Variants in MRPL47 observed in about 807,000 individuals in gnomAD.
The protein encoded by MRPL47 is mitochondrial ribosomal protein L47.
MRPL47 carries 31 observed loss-of-function variants against 34.0 expected under a neutral mutation model. That is an observed-to-expected ratio of 0.91 (90% confidence interval 0.68 to 1.23). The LOEUF (loss-of-function observed/expected upper bound fraction) is 1.23, where lower values mean the gene tolerates loss of function less well. Among genes scored for constraint, MRPL47 ranks in the 50% most tolerant of loss-of-function variants. The probability of loss-of-function intolerance (pLI) is 0.00; values close to 1 mark genes in which losing one functional copy is unlikely to be tolerated. For synonymous variants in MRPL47, 106 were observed against 101.6 expected (o/e 1.04, Z -0.26); for missense variants, 328 against 285.8 (o/e 1.15, Z -1.07).
chr3:179,594,866 T>TGAGAAAAAA (rs1718758798), intron 4 of MRPL47, among the ~76,000 whole-genome samples: 1 of 152,158 alleles, frequency 6.6e-6, no homozygotes, highest in African/African-American at 2.4e-5. Context: ...CCTAAATACA[T>TGAGAAAAAA]ACTGAGAGCC....
intron 6 of MRPL47, among the ~76,000 whole-genome samples, chr3:179,592,165 A>G (rs1438852146): frequency 6.7e-6 from 1 of 150,220 alleles, no homozygotes; most frequent in Non-Finnish European, 1.5e-5. Context: ...GAGCTTATAT[A>G]TGACTTCAAT....
intron 1 of MRPL47, 126 bp downstream of exon 1, chr3:179,604,401 G>T: frequency 1.2e-6 from 1 of 809,666 alleles, no homozygotes; most frequent in South Asian, 1.7e-5. Context: ...TCACCAAAGT[G>T]GGCTCCGGCT....
chr3:179,596,373 T>C lies in MRPL47; in HGVS notation c.402+2302A>G, dbSNP rs954177676. Among the ~76,000 whole-genome samples, 4 of 152,186 alleles carry C rather than the reference T, an allele frequency of 2.6e-5. No homozygotes were observed. The South Asian group carries it at 8.3e-4, about 31-fold the overall frequency. On this transcript the variant is annotated intron_variant, in intron 4 of 6. Transcript: ENST00000476781. ...TTGCTTAATAAAGTTTCCTTAGTAG[T>C]ATGTCACAAAACACTGGAAACACCA...
chr3:179,591,807 C>T (rs1013289626), intron 6 of MRPL47, among the ~76,000 whole-genome samples: 1 of 152,054 alleles, frequency 6.6e-6, no homozygotes, highest in Non-Finnish European at 1.5e-5. Context: ...AGGATACATA[C>T]TACAATGTTA....
chr3:179,602,379 A>C (rs893879705), intron 2 of MRPL47, among the ~76,000 whole-genome samples: 3 of 152,164 alleles, frequency 2.0e-5, no homozygotes, highest in Admixed American at 6.6e-5. Context: ...TATCATTAAA[A>C]AATAAAATCT....
At chr3:179,598,652 C>T in intron 4 of MRPL47, 23 bp downstream of exon 4, 1 of 1,452,322 alleles carries the variant, frequency 6.9e-7, no homozygotes. Flanking sequence ...GTATACCAGT[C>T]TCCAGCCTCT....
intron 1 of MRPL47, among the ~76,000 whole-genome samples, chr3:179,603,806 A>T (rs1276666755): frequency 1.3e-5 from 2 of 152,212 alleles, no homozygotes; most frequent in South Asian, 2.1e-4. Flanking sequence ...CCTGTTTTTA[A>T]AAAATAGTTA....
At chr3:179,599,629 G>A (rs1002485709) in intron 3 of MRPL47, among the ~76,000 whole-genome samples, 1 of 152,206 alleles carries the variant, frequency 6.6e-6, no homozygotes, top group African/African-American at 2.4e-5. Context: ...GTAATGTGAT[G>A]TGGGATAATA....
At chr3:179,592,477 A>G (rs1718698006) in intron 6 of MRPL47, among the ~76,000 whole-genome samples, 167 bp downstream of exon 6, 1 of 152,194 alleles carries the variant, frequency 6.6e-6, no homozygotes, top group Admixed American at 6.5e-5. Context: ...TACAGGTGTG[A>G]GCCACCGCAC....
intron 5 of MRPL47, 136 bp from the exon 6 acceptor site, chr3:179,592,875 T>A: frequency 1.6e-6 from 1 of 623,330 alleles, no homozygotes. Flanking sequence ...GTGAGATGCT[T>A]TGGCAATTTC....
At chr3:179,599,304 G>C (rs547474916) in intron 3 of MRPL47, among the ~76,000 whole-genome samples, 1 of 152,294 alleles carries the variant, frequency 6.6e-6, no homozygotes, top group African/African-American at 2.4e-5. Context: ...TAAGTGCTAA[G>C]AGAGCTACAA....
At position 179,588,824 on chromosome 3, in the gene MRPL47, C is replaced by T. The variant is rs187072560; in HGVS notation, c.*48G>A. The T allele has an allele frequency of 9.5e-6, 15 of 1,577,558 alleles. No homozygotes were observed. In the African/African-American group the frequency reaches 1.5e-4, roughly 16 times the overall value. On this transcript the variant is annotated 3_prime_UTR_variant, in exon 7 of 7. Coordinates refer to ENST00000476781, the MANE Select transcript of MRPL47 (RefSeq NM_020409.3). ...CACTTAACATATTTACTCCTGTACACAGACTATTCAAGAAAAACAAAATGG... is the reference window on the plus strand; with the variant it reads ...CACTTAACATATTTACTCCTGTACATAGACTATTCAAGAAAAACAAAATGG...
At chr3:179,603,704 T>C (rs1191544965) in intron 1 of MRPL47, among the ~76,000 whole-genome samples, 3 of 152,218 alleles carry the variant, frequency 2.0e-5, no homozygotes, top group Admixed American at 2.0e-4. Flanking sequence ...ATATAGGATG[T>C]CAAGTTTTTA....
intron 6 of MRPL47, among the ~76,000 whole-genome samples, chr3:179,590,081 G>A (rs962710644): frequency 1.3e-5 from 2 of 152,118 alleles, no homozygotes; most frequent in South Asian, 2.1e-4. Flanking sequence ...AGTGGCTCAC[G>A]CCTGTAATCC....
intron 6 of MRPL47, among the ~76,000 whole-genome samples, chr3:179,589,519 A>G (rs1444314988): frequency 6.6e-6 from 1 of 152,250 alleles, no homozygotes; most frequent in Non-Finnish European, 1.5e-5. Context: ...CTTGACCTGT[A>G]GGGTCAACTT....
chr3:179,591,185 C>T (rs1045073783), intron 6 of MRPL47, among the ~76,000 whole-genome samples: 3 of 152,288 alleles, frequency 2.0e-5, no homozygotes, highest in Non-Finnish European at 2.9e-5. Context: ...GTGCTGCTAT[C>T]GTGCTGCTAT....
rs573627731 is a variant in MRPL47, at chr3:179,588,926, A to C, written c.699T>G (p.Ile233Met). The C allele has an allele frequency of 6.2e-7, 1 of 1,613,800 alleles. No homozygotes were observed. Among genetic ancestry groups the C allele is most frequent in the Non-Finnish European group, 8.5e-7 (1 of 1,179,840 alleles). ...KENLERKKAK[I>M]LLKKFPHLAE... ...CAAGATGTGGAAACTTTTTTAAAAG[A>C]ATTTTTGCTTTCTTTCTCTCTAAAT... The change falls in exon 7 of 7, where the codon ATT becomes ATG. Residue 233 changes from isoleucine (I) to methionine (M), a missense_variant. Ile to Met is a conservative substitution (Grantham distance 10). Coordinates refer to ENST00000476781, the MANE Select transcript of MRPL47 (RefSeq NM_020409.3).
intron 3 of MRPL47, among the ~76,000 whole-genome samples, chr3:179,599,846 C>A (rs1254493486): frequency 6.6e-6 from 1 of 152,206 alleles, no homozygotes; most frequent in Non-Finnish European, 1.5e-5. Context: ...CGAGTTGGGG[C>A]CAAGTGCAGT....
rs1560020610 is a variant in MRPL47 at position 179,601,715 on chromosome 3, A to G, written c.305+15T>C. 1 of 1,524,680 alleles carries G rather than the reference A, an allele frequency of 6.6e-7. No homozygotes were observed. Among genetic ancestry groups the G allele is most frequent in the Admixed American group, 1.7e-5 (1 of 59,564 alleles). The allele number at this position is 1,524,680 out of a possible 1,614,324, so 94.4% of individuals were successfully genotyped here. The stretch of plus-strand genomic sequence containing the variant: ...GCTTCAAACGTCTAGATGTTAATGT[A>G]CTTAGTATACTTACCAAAGTTTGTG... On this transcript the variant is annotated intron_variant, in intron 3 of 6. Transcript: ENST00000476781.
Sources: allele counts gnomAD v4.1 joint callset (sites outside exome capture counted in the v4.1 genomes callset), GRCh38; gene constraint gnomAD v4.1.1; transcripts MANE v1.5; gene names NCBI Gene and HGNC (gene_info 2026-07-23, HGNC 2026-07-21).